Variants in FHIT observed in about 807,000 individuals in gnomAD.
FHIT encodes the protein bis(5'-adenosyl)-triphosphatase.
A neutral mutation model predicts 17.9 loss-of-function variants in FHIT; 19 were observed. That is an observed-to-expected ratio of 1.06 (90% CI 0.74 to 1.56). FHIT has a LOEUF of 1.56. Ranked by LOEUF, FHIT falls within the 40% of genes most tolerant of loss-of-function variation. The pLI, the probability that FHIT is intolerant of heterozygous loss-of-function variation, is 0.00. For synonymous variants in FHIT, 81 were observed against 69.7 expected (o/e 1.16, Z -0.81); for missense variants, 248 against 189.2 (o/e 1.31, Z -1.82).
At chr3:61,143,578 T>A (rs754972014) in intron 2 of FHIT, among the ~76,000 whole-genome samples, 7 of 152,182 alleles carry the variant, frequency 4.6e-5, no homozygotes, top group East Asian at 1.9e-4. Context: ...CTAAAAAAAA[T>A]TTTCTGGCTG....
At chr3:59,981,804 G>C (rs1228411447) in intron 7 of FHIT, among the ~76,000 whole-genome samples, 1 of 152,078 alleles carries the variant, frequency 6.6e-6, no homozygotes, top group Non-Finnish European at 1.5e-5. Flanking sequence ...AAGCCTTTCA[G>C]CTCTGGAATC....
chr3:59,806,847 G>A (rs1700225215), intron 8 of FHIT, among the ~76,000 whole-genome samples: 1 of 152,108 alleles, frequency 6.6e-6, no homozygotes, highest in African/African-American at 2.4e-5. Flanking sequence ...AAAATCAAAT[G>A]CAAACCACCA....
At chr3:60,153,053 CCT>C (rs1700534019) in intron 5 of FHIT, among the ~76,000 whole-genome samples, 1 of 152,096 alleles carries the variant, frequency 6.6e-6, no homozygotes, top group African/African-American at 2.4e-5. Flanking sequence ...TTTCTCACTG[CCT>C]CTGTTTATTT....
chr3:60,604,963 T>TG (rs2038563295), intron 4 of FHIT, among the ~76,000 whole-genome samples: 2 of 152,116 alleles, frequency 1.3e-5, no homozygotes. Context: ...CACAAGAGCT[T>TG]TCTGACTTCA....
chr3:61,079,698 C>A (rs1352097016), intron 2 of FHIT, among the ~76,000 whole-genome samples: 1 of 152,102 alleles, frequency 6.6e-6, no homozygotes, highest in Non-Finnish European at 1.5e-5. Flanking sequence ...ACACATGCAA[C>A]CTATGTATAC....
In FHIT at chr3:59,980,667, G is replaced by C. The variant is rs548905362; in HGVS notation, c.279+30704C>G. ...TAGCTTGTCCCACAAGGAGGCAAGGGGCCGTTTCCCACCACTGCCTCATCC... is the reference window on the plus strand; with the variant it reads ...TAGCTTGTCCCACAAGGAGGCAAGGCGCCGTTTCCCACCACTGCCTCATCC... On this transcript the variant is annotated intron_variant, in intron 7 of 9. Transcript: ENST00000492590. Among the ~76,000 whole-genome samples, 381 of 152,226 alleles carry C rather than the reference G, an allele frequency of 2.5e-3. 3 individuals are homozygous for C. Among genetic ancestry groups the C allele is most frequent in the African/African-American group, 8.8e-3 (367 of 41,552 alleles).
At chr3:61,089,595 TG>T (rs2035415358) in intron 2 of FHIT, among the ~76,000 whole-genome samples, 1 of 152,222 alleles carries the variant, frequency 6.6e-6, no homozygotes, top group Non-Finnish European at 1.5e-5. Context: ...TGTAAATATT[TG>T]TTTGAAACAC....
intron 8 of FHIT, among the ~76,000 whole-genome samples, chr3:59,864,591 A>G (rs1406289163): frequency 3.3e-5 from 5 of 151,562 alleles, no homozygotes; most frequent in South Asian, 2.1e-4. Flanking sequence ...ACTCTGGCTG[A>G]TCTAGTATAC....
At chr3:60,007,376 G>T (rs1398986736) in intron 7 of FHIT, among the ~76,000 whole-genome samples, 7 of 152,140 alleles carry the variant, frequency 4.6e-5, no homozygotes, top group Admixed American at 1.3e-4. Flanking sequence ...GAGATTCCAG[G>T]AATATTGCTG....
chr3:60,131,785 T>C (rs1220899683), intron 5 of FHIT, among the ~76,000 whole-genome samples: 1 of 152,114 alleles, frequency 6.6e-6, no homozygotes, highest in East Asian at 1.9e-4. Flanking sequence ...TGGTAGCCTC[T>C]GCCCTCCTCA....
chr3:60,743,898 C>G (rs2042288297), intron 4 of FHIT, among the ~76,000 whole-genome samples: 1 of 152,140 alleles, frequency 6.6e-6, no homozygotes, highest in African/African-American at 2.4e-5. Context: ...ACACAGAAAA[C>G]CCTGGAGGAG....
chr3:60,466,599 T>A (rs1208700979), intron 5 of FHIT, among the ~76,000 whole-genome samples: 1 of 152,112 alleles, frequency 6.6e-6, no homozygotes, highest in Non-Finnish European at 1.5e-5. Context: ...TTGAATTTTA[T>A]GAAATGCTTT....
intron 5 of FHIT, among the ~76,000 whole-genome samples, chr3:60,341,596 GA>G (rs1345055309): frequency 1.3e-5 from 2 of 151,858 alleles, no homozygotes; most frequent in African/African-American, 2.4e-5. Flanking sequence ...TCTCCCTCTT[GA>G]TTTTTTTTTT....
chr3:61,022,144 C>CA (rs2032475130), intron 3 of FHIT, among the ~76,000 whole-genome samples: 1 of 151,910 alleles, frequency 6.6e-6, no homozygotes, highest in Admixed American at 6.6e-5. Flanking sequence ...ATAGACACAA[C>CA]AAAAAATGAT....
intron 3 of FHIT, among the ~76,000 whole-genome samples, chr3:60,955,621 T>TATATATATACATATATATATATATAC: frequency 6.6e-5 from 1 of 15,234 alleles, no homozygotes; most frequent in South Asian, 5.3e-3. Flanking sequence ...TATATATATA[T>TATATATATACATATATATATATATAC]ATATATATAT....
At chr3:59,757,845 TG>T (rs1180453333) in intron 8 of FHIT, among the ~76,000 whole-genome samples, 6 of 152,206 alleles carry the variant, frequency 3.9e-5, no homozygotes, top group South Asian at 2.1e-4. Context: ...ATAACTGTAT[TG>T]TTTTTTTAGA....
chr3:60,527,208 G>T (rs546011722), intron 5 of FHIT, among the ~76,000 whole-genome samples: 1 of 152,296 alleles, frequency 6.6e-6, no homozygotes, highest in African/African-American at 2.4e-5. Context: ...GAGTCATTTG[G>T]TCCCTAAACA....
At chr3:60,865,116 C>T (rs1416973820) in intron 3 of FHIT, among the ~76,000 whole-genome samples, 2 of 151,924 alleles carry the variant, frequency 1.3e-5, no homozygotes, top group Non-Finnish European at 2.9e-5. Context: ...TCAGAATCCC[C>T]CAAAATAAAT....
chr3:60,718,649 T>G (rs1215960501), intron 4 of FHIT, among the ~76,000 whole-genome samples: 1 of 152,210 alleles, frequency 6.6e-6, no homozygotes, highest in African/African-American at 2.4e-5. Context: ...ATTCAAAGAT[T>G]ATAGTTATGT....
Sources: gnomAD v4.1 joint callset for allele counts (sites outside exome capture counted in the v4.1 genomes callset) on GRCh38, gnomAD v4.1.1 for gene constraint, MANE v1.5 for transcripts, NCBI Gene and HGNC (gene_info 2026-07-23, HGNC 2026-07-21) for gene names.